The following AATK variants were observed in gnomAD, a reference collection of about 807,000 sequenced individuals.
AATK encodes lemur tail kinase 1.
AATK carries 91 observed loss-of-function variants against 114.3 expected under a neutral mutation model. That is an observed-to-expected ratio of 0.80 (90% CI 0.67 to 0.95). The LOEUF is 0.95. AATK is among the 40% of genes least tolerant of loss of function. AATK has a pLI of 0.00. For synonymous variants in AATK, 1,075 were observed against 916.5 expected (o/e 1.17, Z -3.12); for missense variants, 2,176 against 1,965.2 (o/e 1.11, Z -2.03).
chr17:81,140,111 C>A (rs1248152232), intron 1 of AATK, among the ~76,000 whole-genome samples: 2 of 152,186 alleles, frequency 1.3e-5, no homozygotes, highest in Non-Finnish European at 2.9e-5. Context: ...CTCCTGGCCT[C>A]AAGCAGTCCT....
Position 81,126,487 on chromosome 17 carries a change from C to T in AATK, c.695G>A (p.Arg232His), listed in dbSNP as rs200466748. ...SMAPDPRTLQ[R>H]MACEVACGVL... ...GCCACAGGCCACCTCACAGGCCATG[C>T]GCTGCAGGGTCCGGGGGTCGGGAGC... The change falls in exon 7 of 14, where the codon CGC becomes CAC. Residue 232 changes from arginine (R) to histidine (H), a missense_variant. Transcript: ENST00000326724. The surrounding 1 kb of genome is among the most constrained non-coding windows in gnomAD (Gnocchi z 5.1). The T allele has an allele frequency of 5.1e-6, 8 of 1,554,606 alleles. No individual in the cohort carries two copies. The highest frequency in any genetic ancestry group is 2.4e-5 in the South Asian group (2 of 84,336).
Position 81,120,117 on chromosome 17 carries a change from C to T in AATK, c.3736-34G>A, listed in dbSNP as rs773131429. ...ATCAGAGAGCACCAGGTAGCTCGGC[C>T]GCCAGGAGCCGCGGCCGCTCCCACC... On this transcript the variant is annotated intron_variant, in intron 11 of 13. Coordinates refer to ENST00000326724, the MANE Select transcript of AATK (RefSeq NM_001080395.3). 4.1e-6 allele frequency: 6 copies of T among 1,468,324 alleles called. No homozygotes were observed. The African/African-American group carries it at 4.3e-5, about 11-fold the overall frequency. The allele number at this position is 1,468,324 out of a possible 1,614,324, so 91.0% of individuals were successfully genotyped here.
chr17:81,140,666 CCGTGGGG>C (rs2061109979), intron 1 of AATK, among the ~76,000 whole-genome samples: 1 of 141,964 alleles, frequency 7.0e-6, no homozygotes, highest in African/African-American at 2.7e-5. Flanking sequence ...GACCGTGGGG[CCGTGGGG>C]ACCATGGGGC....
At chr17:81,164,451 A>C (rs2061461973) in intron 1 of AATK, among the ~76,000 whole-genome samples, 1 of 152,180 alleles carries the variant, frequency 6.6e-6, no homozygotes, top group South Asian at 2.1e-4. Flanking sequence ...CTTGCAGAGG[A>C]GAGACGCCCC....
At chr17:81,129,265 G>A (rs1340330679) in intron 3 of AATK, among the ~76,000 whole-genome samples, 4 of 152,240 alleles carry the variant, frequency 2.6e-5, no homozygotes, top group Admixed American at 6.5e-5. Flanking sequence ...GAGACCCAGA[G>A]AATGTAGAGG....
chr17:81,124,846 C>G lies in AATK; in HGVS notation c.843G>C (p.Glu281Asp). ...DYGLAHCKYR[E>D]DYFVTADQLW... ...GCTGGTCGGCAGTCACGAAGTAGTC[C>G]TCCTGTTGGCACAGGGACGGGTCAC... is the stretch of plus-strand genomic sequence containing the variant. Residue 281 changes from glutamate (E) to aspartate (D), a missense_variant and splice_region_variant, in exon 9 of 14, where the codon GAG (glutamate) becomes GAC (aspartate). By Grantham distance (45) the Glu-to-Asp change is conservative (BLOSUM62 2). Transcript: ENST00000326724. The G allele has an allele frequency of 6.2e-7, 1 of 1,608,230 alleles. No individual in the cohort carries two copies. The highest frequency in any genetic ancestry group is 8.5e-7 in the Non-Finnish European group (1 of 1,177,564).
chr17:81,129,037 T>G, intron 3 of AATK: 1 of 501,556 alleles, frequency 2.0e-6, no homozygotes, highest in Non-Finnish European at 2.6e-6. Flanking sequence ...ACTGGCCCAT[T>G]CTCCCCGAGG....
Position 81,120,226 on chromosome 17 carries a change from T to C in AATK, c.3710A>G (p.Asp1237Gly), listed in dbSNP as rs1219290444. ...CTGGTCAAAGAGGTAGACGGTGACG[T>C]CGTCGAAGAAGGACACGGCCTTCTT... ...RKKKAVSFFD[D>G]VTVYLFDQES... Residue 1237 changes from aspartate to glycine, a missense_variant, in exon 11 of 14, where the codon GAC becomes GGC. Coordinates refer to ENST00000326724, the MANE Select transcript of AATK (RefSeq NM_001080395.3). 1 of 1,586,462 alleles carries C rather than the reference T, an allele frequency of 6.3e-7. No homozygotes were observed. Among genetic ancestry groups the C allele is most frequent in the Non-Finnish European group, 8.6e-7 (1 of 1,160,752 alleles).
intron 2 of AATK, chr17:81,132,693 C>T (rs543266109): frequency 1.2e-5 from 4 of 329,816 alleles, no homozygotes; most frequent in East Asian, 9.4e-5. Context: ...GCCGATACAG[C>T]GTGCAATCAG....
At chr17:81,119,189 T>TCTGGGGCCGG (rs2060637127) in intron 13 of AATK, among the ~76,000 whole-genome samples, 191 bp downstream of exon 13, 40 of 85,216 alleles carry the variant, frequency 4.7e-4, no homozygotes, top group African/African-American at 1.6e-3. Flanking sequence ...GAGGGTCAGG[T>TCTGGGGCCGG]GAGGGCCAGG....
chr17:81,161,140 C>A lies in AATK; in HGVS notation c.55+4798G>T, dbSNP rs922998422. 8.5e-5 allele frequency among the ~76,000 whole-genome samples: 13 copies of A among 152,192 alleles called. 1 individual carries two copies. The highest frequency in any genetic ancestry group is 7.7e-4 in the East Asian group (4 of 5,190). On this transcript the variant is annotated intron_variant, in intron 1 of 13. Coordinates refer to ENST00000326724, the MANE Select transcript of AATK (RefSeq NM_001080395.3). Reference sequence around the variant, plus strand: ...CCCAAGGAGACCCCCAGATGTGTGTCCTGGGACCACGGGCTGCTGGCCCAG... The same window carrying A: ...CCCAAGGAGACCCCCAGATGTGTGTACTGGGACCACGGGCTGCTGGCCCAG...
At chr17:81,161,760 G>C (rs1204311070) in intron 1 of AATK, among the ~76,000 whole-genome samples, 1 of 152,170 alleles carries the variant, frequency 6.6e-6, no homozygotes, top group African/African-American at 2.4e-5. Context: ...GCCCACGCCA[G>C]AACTCTCCCG....
At chr17:81,119,647 AGTCACGGGCCCAGGCCCCGCC>A in intron 12 of AATK, 67 bp from the exon 13 acceptor site, 2 of 1,306,918 alleles carry the variant, frequency 1.5e-6, no homozygotes, top group Non-Finnish European at 1.0e-6. Flanking sequence ...CCGCTCCCAC[AGTCACGGGCCCAGGCCCCGCC>A]TCCCATCATG....
Position 81,123,285 on chromosome 17 carries a change from G to A in AATK, c.1021C>T (p.His341Tyr). Residue 341 changes from histidine (H) to tyrosine (Y), a missense_variant, in exon 10 of 14, where the codon CAC becomes TAC. Coordinates refer to ENST00000326724, the MANE Select transcript of AATK (RefSeq NM_001080395.3). ...TACGCCAGCACCTGCTGGTCCGAGT[G>A]CTGGGGATAGGGCTGCGTGCCCAGC... Reference protein sequence around the residue: ...FELGTQPYPQHSDQQVLAYTV... With the variant: ...FELGTQPYPQYSDQQVLAYTV... 1 of 1,406,776 alleles carries A rather than the reference G, an allele frequency of 7.1e-7. No homozygotes were observed. 87.1% of individuals were successfully genotyped at this position (1,406,776 alleles called of 1,614,324 possible).
chr17:81,125,217 T>TG (rs1491326557), intron 7 of AATK: 4 of 676,534 alleles, frequency 5.9e-6, no homozygotes, highest in Non-Finnish European at 1.1e-5. Context: ...GGCCCTACTC[T>TG]GTGCCCAACC....
chr17:81,165,091 C>G (rs1226218704), intron 1 of AATK, among the ~76,000 whole-genome samples: 1 of 152,232 alleles, frequency 6.6e-6, no homozygotes, highest in African/African-American at 2.4e-5. Flanking sequence ...TGGGACTTGG[C>G]CCTGGGGCCA....
chr17:81,157,295 G>A lies in AATK; in HGVS notation c.55+8643C>T, dbSNP rs189216680. Reference sequence around the variant, plus strand: ...ATGGCAAGGTCCACGGGCCCGGGCCGGGTCCATCCGACACCGCGGGCACCG... The same window carrying A: ...ATGGCAAGGTCCACGGGCCCGGGCCAGGTCCATCCGACACCGCGGGCACCG... On this transcript the variant is annotated intron_variant, in intron 1 of 13. Transcript: ENST00000326724. 3.9e-3 allele frequency among the ~76,000 whole-genome samples: 592 copies of A among 152,322 alleles called. 6 individuals are homozygous for A. The highest frequency in any genetic ancestry group is 4.2e-3 in the Non-Finnish European group (285 of 68,010).
chr17:81,129,015 C>T (rs890777034), intron 3 of AATK: 6 of 707,764 alleles, frequency 8.5e-6, no homozygotes, highest in Admixed American at 9.8e-5. Context: ...GGCACGGCCC[C>T]GCACGGAGCA....
intron 2 of AATK, chr17:81,132,870 G>A: frequency 4.2e-6 from 1 of 238,982 alleles, no homozygotes. Flanking sequence ...ATGTTCCCAA[G>A]GAGGTGAGGA....
Sources: gnomAD v4.1 joint callset for allele counts (sites outside exome capture counted in the v4.1 genomes callset) on GRCh38, gnomAD v4.1.1 for gene constraint, Gnocchi (gnomAD v3.1) non-coding constraint, MANE v1.5 for transcripts, NCBI Gene and HGNC (gene_info 2026-07-23, HGNC 2026-07-21) for gene names.